The following WDPCP variants were observed in gnomAD, a reference collection of about 807,000 sequenced individuals.
The protein encoded by WDPCP is WD repeat containing planar cell polarity effector, also known as WD repeat-containing and planar cell polarity effector protein fritz homolog.
In WDPCP, 71 loss-of-function variants were observed where a neutral mutation model predicts 93.1. The observed-to-expected ratio is 0.76, with a 90% CI of 0.63 to 0.93. WDPCP has a LOEUF of 0.93. WDPCP is among the 40% of genes least tolerant of loss of function. The pLI, the probability that WDPCP is intolerant of heterozygous loss-of-function variation, is 0.00. For missense variants in WDPCP, 844 were observed against 887.4 expected, an observed-to-expected ratio of 0.95 and a Z score of 0.62; for synonymous variants, 315 against 315.0, an observed-to-expected ratio of 1.00 and a Z score of 0.00.
chr2:63,761,986 C>T (rs780246978), intron 2 of WDPCP, among the ~76,000 whole-genome samples: 19 of 152,086 alleles, frequency 1.2e-4, no homozygotes, highest in Non-Finnish European at 2.4e-4. Context: ...AAAAAAAACA[C>T]GTGCATCAGA....
chr2:63,494,302 C>CG lies in WDPCP; in HGVS notation c.76-1363_76-1362insC, dbSNP rs61503495. Among the ~76,000 whole-genome samples, 9 of 150,666 alleles carry CG rather than the reference C, an allele frequency of 6.0e-5. No homozygotes were observed. The South Asian group carries it at 6.3e-4, about 11-fold the overall frequency. ...ATGATGATGATGACGACGACGACGA[C>CG]AATGATGATGACGATGATGATGATG... On this transcript the variant is annotated intron_variant, in intron 1 of 17. Coordinates refer to ENST00000272321, the MANE Select transcript of WDPCP (RefSeq NM_015910.7).
At chr2:63,708,294 C>G (rs894479244) in intron 2 of WDPCP, among the ~76,000 whole-genome samples, 1 of 152,144 alleles carries the variant, frequency 6.6e-6, no homozygotes, top group African/African-American at 2.4e-5. Context: ...GCTTCCCGGC[C>G]GCTTTGTTTA....
chr2:63,812,867 GA>G (rs1277097435), intron 2 of WDPCP, among the ~76,000 whole-genome samples: 1 of 150,554 alleles, frequency 6.6e-6, no homozygotes, highest in Non-Finnish European at 1.5e-5. Flanking sequence ...GTAAGTTTTA[GA>G]AAAAAAATCA....
At chr2:63,589,027 C>T (rs749814011), upstream of WDPCP, 4 of 1,614,090 alleles carry the variant, frequency 2.5e-6, no homozygotes, top group Admixed American at 5.0e-5. Flanking sequence ...TTGAAATTGT[C>T]CCCGCAGTTT....
intron 14 of WDPCP, among the ~76,000 whole-genome samples, chr2:63,214,853 T>C (rs907803049): frequency 1.3e-5 from 2 of 152,106 alleles, no homozygotes; most frequent in African/African-American, 4.8e-5. Context: ...AGCCAAATCA[T>C]GAGGGAACTC....
At chr2:63,499,065 A>G (rs921773809) in intron 1 of WDPCP, among the ~76,000 whole-genome samples, 1 of 152,232 alleles carries the variant, frequency 6.6e-6, no homozygotes, top group East Asian at 1.9e-4. Flanking sequence ...TGAGTCATAG[A>G]TACAAAGTTT....
intron 14 of WDPCP, among the ~76,000 whole-genome samples, chr2:63,254,912 T>G (rs1012706465): frequency 1.3e-5 from 2 of 152,100 alleles, no homozygotes; most frequent in African/African-American, 4.8e-5. Context: ...GTAAATGAAA[T>G]GCAGGAATAT....
At chr2:63,817,014 G>A (rs1670941555) in intron 1 of WDPCP, among the ~76,000 whole-genome samples, 1 of 152,156 alleles carries the variant, frequency 6.6e-6, no homozygotes, top group South Asian at 2.1e-4. Context: ...CAATTTCTGG[G>A]GCAATGGAAA....
intron 1 of WDPCP, among the ~76,000 whole-genome samples, chr2:63,525,965 G>A (rs1036826049): frequency 6.6e-6 from 1 of 152,186 alleles, no homozygotes; most frequent in Non-Finnish European, 1.5e-5. Flanking sequence ...AGCCACACCA[G>A]AAGTCTTTCC....
chr2:63,546,064 G>C (rs75335858), intron 1 of WDPCP, among the ~76,000 whole-genome samples: 7,145 of 152,074 alleles, frequency 0.047, 192 homozygotes, highest in South Asian at 0.071. Context: ...AGCACACCAA[G>C]GAACTATACC....
intron 3 of WDPCP, among the ~76,000 whole-genome samples, chr2:63,606,321 C>T (rs1397913421): frequency 6.6e-6 from 1 of 152,164 alleles, no homozygotes; most frequent in African/African-American, 2.4e-5. Context: ...ATCAAGGCTG[C>T]AGTGAACCAT....
At chr2:63,840,764 C>A in the WDPCP span, among the ~76,000 whole-genome samples, 1 of 152,260 alleles carries the variant, frequency 6.6e-6, no homozygotes, top group South Asian at 2.1e-4. Flanking sequence ...ACTGGCGAGG[C>A]TTCCCTGGCC....
At chr2:63,452,373 T>C (rs1477900218) in intron 6 of WDPCP, among the ~76,000 whole-genome samples, 1 of 152,036 alleles carries the variant, frequency 6.6e-6, no homozygotes, top group African/African-American at 2.4e-5. Context: ...TACCTAGGAA[T>C]CCAACTTACA....
At chr2:63,442,778 C>T (rs1395875166) in intron 6 of WDPCP, 2 of 152,180 alleles carry the variant, frequency 1.3e-5, no homozygotes, top group East Asian at 3.8e-4. Context: ...GTTCTCACCA[C>T]TGCTCTCATG....
chr2:63,313,853 CATATATAT>C (rs1239251914), intron 12 of WDPCP, among the ~76,000 whole-genome samples: 10 of 38,520 alleles, frequency 2.6e-4, no homozygotes, highest in South Asian at 1.2e-3. Context: ...ATTATTCATA[CATATATAT>C]ATATATATAT....
At chr2:63,422,647 C>A (rs1176219938) in intron 9 of WDPCP, among the ~76,000 whole-genome samples, 2 of 152,020 alleles carry the variant, frequency 1.3e-5, no homozygotes, top group African/African-American at 2.4e-5. Flanking sequence ...TGGATCTAGG[C>A]ATTGAACATT....
At chr2:63,518,284 A>G (rs76810195) in intron 1 of WDPCP, 10,468 of 152,494 alleles carry the variant, frequency 0.069, 1,100 homozygotes, top group African/African-American at 0.23. Context: ...TGGCACTGGG[A>G]GTGGACAGAG....
At chr2:63,660,871 A>G (rs892286438) in intron 2 of WDPCP, among the ~76,000 whole-genome samples, 1 of 152,196 alleles carries the variant, frequency 6.6e-6, no homozygotes, top group African/African-American at 2.4e-5. Flanking sequence ...ATAAATTATT[A>G]TTGCAAATAT....
chr2:63,807,221 C>T (rs1670780706), intron 2 of WDPCP, among the ~76,000 whole-genome samples: 2 of 152,232 alleles, frequency 1.3e-5, no homozygotes, highest in Admixed American at 6.5e-5. Flanking sequence ...CTTCCCGCAA[C>T]AGTAATCCCC....
Sources: allele counts gnomAD v4.1 joint callset (sites outside exome capture counted in the v4.1 genomes callset), GRCh38; gene constraint gnomAD v4.1.1; transcripts MANE v1.5; gene names NCBI Gene and HGNC (gene_info 2026-07-23, HGNC 2026-07-21).